ZPBP: variants seen among roughly 807,000 people sequenced by gnomAD.
ZPBP encodes the protein zona pellucida binding protein.
ZPBP carries 26 observed loss-of-function variants against 44.8 expected under a neutral mutation model. That is an observed-to-expected ratio of 0.58 (90% confidence interval 0.43 to 0.81). The LOEUF is 0.81. Ranked by LOEUF, ZPBP falls within the 30% of genes least tolerant of loss-of-function variation. ZPBP has a pLI of 0.00. For synonymous variants in ZPBP, 174 were observed against 153.2 expected, an observed-to-expected ratio of 1.14 and a Z score of -1.00; for missense variants, 409 against 434.0, an observed-to-expected ratio of 0.94 and a Z score of 0.51.
chr7:49,937,709 T>C, intron 7 of ZPBP, 87 bp from the exon 8 acceptor site: 2 of 1,065,782 alleles, frequency 1.9e-6, no homozygotes, highest in Non-Finnish European at 2.9e-6. Flanking sequence ...AAGTGTATAG[T>C]TCAGTAGTAT....
At chr7:49,885,094 A>G (rs2128728413) in intron 2 of ZPBP, among the ~76,000 whole-genome samples, 1 of 152,272 alleles carries the variant, frequency 6.6e-6, no homozygotes, top group East Asian at 1.9e-4. Flanking sequence ...AATCTCAATT[A>G]TATGGATTAT....
At chr7:50,068,766 T>G (rs1801672411) in intron 3 of ZPBP, among the ~76,000 whole-genome samples, 1 of 152,236 alleles carries the variant, frequency 6.6e-6, no homozygotes, top group East Asian at 1.9e-4. Flanking sequence ...TGGTATCTCC[T>G]TGGTCCTGCC....
intron 2 of ZPBP, among the ~76,000 whole-genome samples, chr7:49,856,377 C>CT (rs1428164180): frequency 6.6e-6 from 1 of 152,162 alleles, no homozygotes; most frequent in Non-Finnish European, 1.5e-5. Context: ...GATATACTGG[C>CT]TCCCTCTTCT....
chr7:49,988,062 G>A (rs918730182), intron 6 of ZPBP, among the ~76,000 whole-genome samples: 1 of 152,210 alleles, frequency 6.6e-6, no homozygotes, highest in East Asian at 1.9e-4. Flanking sequence ...TTTCATGTGT[G>A]AATACATTAA....
chr7:50,052,885 C>T lies in ZPBP; in HGVS notation c.487+5104G>A, dbSNP rs78865263. On this transcript the variant is annotated intron_variant, in intron 4 of 7. Transcript: ENST00000046087. ...CTGTATTTGTATAATACTTTTGAAA[C>T]GACAATACAGAATGAGAGAAGATTG... is the stretch of plus-strand genomic sequence containing the variant. Among the ~76,000 whole-genome samples, 91 of 152,122 alleles carry T rather than the reference C, an allele frequency of 6.0e-4. No homozygotes were observed. In the East Asian group the frequency reaches 0.016, roughly 26 times the overall value.
rs191048737 is a variant in ZPBP, at chr7:50,003,250, C to T, written c.783+14990G>A. On this transcript the variant is annotated intron_variant, in intron 6 of 7. Transcript: ENST00000046087. ...CTAGGAAGTTTCATGTCCTTTTTCC[C>T]CCATGGAAACCCTGAATAAACAATA... Among the ~76,000 whole-genome samples, 571 of 152,172 alleles carry T rather than the reference C, an allele frequency of 3.8e-3. 5 individuals carry two copies. Among genetic ancestry groups the T allele is most frequent in the Non-Finnish European group, 5.8e-3 (394 of 67,984 alleles).
At chr7:49,989,483 T>G (rs1027105673) in intron 6 of ZPBP, among the ~76,000 whole-genome samples, 3 of 152,194 alleles carry the variant, frequency 2.0e-5, no homozygotes, top group Non-Finnish European at 4.4e-5. Context: ...TAATTATTCT[T>G]GCTGCACTTT....
chr7:49,998,639 C>G (rs150901001), intron 6 of ZPBP, among the ~76,000 whole-genome samples: 4,643 of 152,138 alleles, frequency 0.031, 103 homozygotes, highest in Admixed American at 0.048. Context: ...ATATGAGAAT[C>G]AGAGTAATTA....
chr7:50,038,242 C>T (rs1326610719), intron 4 of ZPBP, among the ~76,000 whole-genome samples: 1 of 152,126 alleles, frequency 6.6e-6, no homozygotes, highest in African/African-American at 2.4e-5. Flanking sequence ...GGGAAGAGAA[C>T]CAGGCTGCAG....
At chr7:50,088,155 G>C (rs1403481004) in intron 2 of ZPBP, among the ~76,000 whole-genome samples, 2 of 151,960 alleles carry the variant, frequency 1.3e-5, no homozygotes, top group Non-Finnish European at 2.9e-5. Context: ...TTCAATACGA[G>C]TGCCAAGCCA....
chr7:49,856,507 A>G (rs1175091970), intron 2 of ZPBP, among the ~76,000 whole-genome samples: 1 of 152,170 alleles, frequency 6.6e-6, no homozygotes, highest in Admixed American at 6.5e-5. Flanking sequence ...ATTACCCTTT[A>G]TAACAACACA....
chr7:49,847,917 A>T (rs905847065), downstream of ZPBP, among the ~76,000 whole-genome samples: 1 of 152,166 alleles, frequency 6.6e-6, no homozygotes, highest in Non-Finnish European at 1.5e-5. Flanking sequence ...GTGGTTTACT[A>T]TCTCCTGGAA....
intron 1 of ZPBP, among the ~76,000 whole-genome samples, chr7:49,925,812 A>C (rs1224218563): frequency 6.6e-6 from 1 of 152,200 alleles, no homozygotes; most frequent in African/African-American, 2.4e-5. Flanking sequence ...ACTGTCTTTC[A>C]GATCTCCCTC....
Position 50,058,042 on chromosome 7 carries a change from T to A in ZPBP, c.434A>T (p.Lys145Ile). 1 of 1,613,488 alleles carries A rather than the reference T, an allele frequency of 6.2e-7. No homozygotes were observed. The highest frequency in any genetic ancestry group is 1.3e-5 in the African/African-American group (1 of 75,036). The change falls in exon 4 of 8, where the codon AAA (lysine) becomes ATA (isoleucine). Residue 145 changes from lysine to isoleucine, a missense_variant. Lys to Ile is a moderately radical substitution (Grantham distance 102). This residue lies in a region of ZPBP where 367 missense variants were observed against 363.1 expected (regional missense o/e 1.01). Coordinates refer to ENST00000046087, the MANE Select transcript of ZPBP (RefSeq NM_007009.3). ...TTTAACAATTTCTTCCACAGTAGGT[T>A]TATATTCGAGGAAACATGTATAAAT... ...SGIYTCFLEY[K>I]PTVEEIVKRL... is the part of the protein sequence containing the mutation.
downstream of ZPBP, among the ~76,000 whole-genome samples, chr7:49,845,707 C>T (rs117039073): frequency 1.7e-3 from 262 of 152,340 alleles, no homozygotes; most frequent in Non-Finnish European, 1.8e-3. Context: ...AAGACCTTGA[C>T]ATTGTAACAA....
chr7:50,027,883 AG>A (rs1205611275), intron 5 of ZPBP, among the ~76,000 whole-genome samples: 1 of 152,094 alleles, frequency 6.6e-6, no homozygotes, highest in African/African-American at 2.4e-5. Context: ...AAATATGAAT[AG>A]GTCTATAACT....
intron 6 of ZPBP, among the ~76,000 whole-genome samples, chr7:50,010,009 A>G (rs984597702): frequency 6.6e-6 from 1 of 152,178 alleles, no homozygotes; most frequent in African/African-American, 2.4e-5. Context: ...ATGTAGAGAC[A>G]TATCATGTTC....
At chr7:49,963,376 T>C (rs1795935230) in intron 7 of ZPBP, among the ~76,000 whole-genome samples, 1 of 151,780 alleles carries the variant, frequency 6.6e-6, no homozygotes, top group Non-Finnish European at 1.5e-5. Context: ...GATTTAACTC[T>C]TATGTATTTA....
intron 7 of ZPBP, among the ~76,000 whole-genome samples, chr7:49,955,469 A>C (rs1283362722): frequency 6.6e-6 from 1 of 152,170 alleles, no homozygotes; most frequent in African/African-American, 2.4e-5. Context: ...AGGCAGGAGA[A>C]TCACCTGAAC....
Sources: allele counts gnomAD v4.1 joint callset (sites outside exome capture counted in the v4.1 genomes callset), GRCh38; gene constraint gnomAD v4.1.1; regional missense constraint gnomAD v4.1.1; transcripts MANE v1.5; gene names NCBI Gene and HGNC (gene_info 2026-07-23, HGNC 2026-07-21).